Variants in TFDP1 observed in about 807,000 individuals in gnomAD.
TFDP1 encodes transcription factor Dp-1, also known as DRTF1-polypeptide 1.
A neutral mutation model predicts 48.0 loss-of-function variants in TFDP1; 6 were observed. That is an observed-to-expected ratio of 0.13 (90% CI 0.07 to 0.25). TFDP1 has a LOEUF of 0.25. Among genes scored for constraint, TFDP1 ranks in the 10% least tolerant of loss-of-function variants. The probability of loss-of-function intolerance (pLI) is 1.00; values close to 1 mark genes in which losing one functional copy is unlikely to be tolerated. For synonymous variants in TFDP1, 201 were observed against 211.6 expected (o/e 0.95, Z 0.44); for missense variants, 335 against 543.0 (o/e 0.62, Z 3.81).
In TFDP1 at chr13:113,633,261, C is replaced by T. The variant is rs2049383975; in HGVS notation, c.450C>T (p.Asp150=). 1 of 1,613,940 alleles carries T rather than the reference C, an allele frequency of 6.2e-7. No individual in the cohort carries two copies. Among genetic ancestry groups the T allele is most frequent in the Non-Finnish European group, 8.5e-7 (1 of 1,179,932 alleles). The change falls in exon 6 of 12, where the codon GAC becomes GAT. Residue 150 remains aspartate (D), a synonymous_variant. Transcript: ENST00000375370. This position sits in a 1 kb window ranked among gnomAD's most constrained non-coding sequence, Gnocchi z 4.5. ...TGGTTGCGGAGTTCAGTGCTGCCGA[C>T]AACCACATCTTACCAAACGAGTCAG... ...DELVAEFSAA[D]NHILPNESAY...
In TFDP1 at chr13:113,633,846, G is replaced by T; in HGVS notation, c.475-44G>T. 4 of 1,572,398 alleles carry T rather than the reference G, an allele frequency of 2.5e-6. No homozygotes were observed. The highest frequency in any genetic ancestry group is 3.5e-6 in the Non-Finnish European group (4 of 1,159,282). On this transcript the variant is annotated intron_variant, in intron 6 of 11. Coordinates refer to ENST00000375370, the MANE Select transcript of TFDP1 (RefSeq NM_007111.5). The surrounding 1 kb of genome is among the most constrained non-coding windows in gnomAD (Gnocchi z 4.5). The stretch of plus-strand genomic sequence containing the variant: ...TGGTCTACAGTTTAAGGATCCACCG[G>T]CCTTTTTGGATCATTTGGAAACTCC...
chr13:113,638,039 C>T (rs1030552241), intron 11 of TFDP1, 143 bp downstream of exon 11: 56 of 1,008,162 alleles, frequency 5.6e-5, no homozygotes, highest in Non-Finnish European at 7.4e-5. Context: ...AGTGGGGCCC[C>T]GCTGGCTTTC....
At chr13:113,632,747 C>T (rs1362066957) in intron 5 of TFDP1, among the ~76,000 whole-genome samples, 1 of 152,248 alleles carries the variant, frequency 6.6e-6, no homozygotes, top group Non-Finnish European at 1.5e-5. Context: ...CACCGCACTC[C>T]AGCCCACGAC....
chr13:113,598,299 T>G lies in TFDP1; in HGVS notation c.12+12450T>G, dbSNP rs533656599. Among the ~76,000 whole-genome samples, 4 of 152,332 alleles carry G rather than the reference T, an allele frequency of 2.6e-5. No homozygotes were observed. The highest frequency in any genetic ancestry group is 4.4e-5 in the Non-Finnish European group (3 of 68,028). Reference sequence around the variant, plus strand: ...CTGATGTATGGGTTTTCCAGGCAGTTTTGCATTTGTGCCTGTTGTAGACTA... The same window carrying G: ...CTGATGTATGGGTTTTCCAGGCAGTGTTGCATTTGTGCCTGTTGTAGACTA... On this transcript the variant is annotated intron_variant, in intron 2 of 11. Coordinates refer to ENST00000375370, the MANE Select transcript of TFDP1 (RefSeq NM_007111.5). This position sits in a 1 kb window ranked among gnomAD's most constrained non-coding sequence, Gnocchi z 4.2.
At chr13:113,601,169 C>T (rs866640251) in intron 2 of TFDP1, among the ~76,000 whole-genome samples, 2 of 152,156 alleles carry the variant, frequency 1.3e-5, no homozygotes, top group Admixed American at 6.5e-5. Flanking sequence ...AAGGGCTGGG[C>T]CTGGCGGTCA....
Position 113,627,015 on chromosome 13 carries a change from G to A in TFDP1, c.186+3729G>A, listed in dbSNP as rs1413202585. 1.3e-5 allele frequency among the ~76,000 whole-genome samples: 2 copies of A among 152,210 alleles called. No homozygotes were observed. The highest frequency in any genetic ancestry group is 6.5e-5 in the Admixed American group (1 of 15,288). ...GTTCCTGATTTAAATTCAGCTGTTC[G>A]GGTGGAGTTTGTCATTGCTGTTTTG... is the stretch of plus-strand genomic sequence containing the variant. On this transcript the variant is annotated intron_variant, in intron 4 of 11. Coordinates refer to ENST00000375370, the MANE Select transcript of TFDP1 (RefSeq NM_007111.5). This position sits in a 1 kb window ranked among gnomAD's most constrained non-coding sequence, Gnocchi z 4.1.
chr13:113,588,200 A>G lies in TFDP1; in HGVS notation c.12+2351A>G, dbSNP rs74116240. 1.2e-3 allele frequency among the ~76,000 whole-genome samples: 183 copies of G among 152,368 alleles called. 1 individual carries two copies. Among genetic ancestry groups the G allele is most frequent in the African/African-American group, 4.3e-3 (177 of 41,590 alleles). ...GGTACTGCAGTAAAACCACAGGTGT[A>G]TGTCAAAAGCCTTTATGCTGGGGGA... On this transcript the variant is annotated intron_variant, in intron 2 of 11. Transcript: ENST00000375370.
intron 2 of TFDP1, among the ~76,000 whole-genome samples, chr13:113,603,321 G>C (rs1359868676): frequency 6.6e-6 from 1 of 152,254 alleles, no homozygotes; most frequent in Non-Finnish European, 1.5e-5. Context: ...GAGCCCCCTG[G>C]ACACACCCTG....
At chr13:113,590,190 C>G (rs747943795) in intron 2 of TFDP1, among the ~76,000 whole-genome samples, 14 of 152,154 alleles carry the variant, frequency 9.2e-5, no homozygotes, top group Non-Finnish European at 1.5e-4. Context: ...ACGTCACTGC[C>G]CGGTATTCAC....
In TFDP1 at chr13:113,636,584, T is replaced by C. The variant is rs767816715; in HGVS notation, c.890T>C (p.Ile297Thr). 8.7e-6 allele frequency: 14 copies of C among 1,614,158 alleles called. No homozygotes were observed. In the East Asian group the frequency reaches 1.6e-4, roughly 18 times the overall value. Residue 297 changes from isoleucine (I) to threonine (T), a missense_variant, in exon 10 of 12, where the codon ATA becomes ACA. Physicochemically the swap from Ile to Thr is moderately conservative, Grantham distance 89. Transcript: ENST00000375370. ...FDNTFEIHDDIEVLKRMGMAC... is the reference protein window; with the variant it reads ...FDNTFEIHDDTEVLKRMGMAC... ...AACACATTTGAAATCCACGATGACA[T>C]AGAAGTGCTGAAGCGGATGGGCATG...
At chr13:113,612,181 C>G (rs1375883284) in intron 3 of TFDP1, among the ~76,000 whole-genome samples, 5 of 152,168 alleles carry the variant, frequency 3.3e-5, no homozygotes, top group Non-Finnish European at 7.3e-5. Context: ...CTGGTGCGGG[C>G]GCCCATGGTG....
At chr13:113,587,349 C>G (rs2048030591) in intron 2 of TFDP1, among the ~76,000 whole-genome samples, 1 of 152,014 alleles carries the variant, frequency 6.6e-6, no homozygotes, top group African/African-American at 2.4e-5. Context: ...TGGGGGTTGG[C>G]GCTGGGAGGA....
intron 4 of TFDP1, among the ~76,000 whole-genome samples, chr13:113,625,128 C>CTCTCACGTGTCCTCAGGTGTT (rs2049107150): frequency 5.3e-5 from 3 of 56,334 alleles, no homozygotes; most frequent in African/African-American, 2.9e-4. Context: ...CCTCAGGTGT[C>CTCTCACGTGTCCTCAGGTGTT]TCTCAGGTGT....
intron 2 of TFDP1, among the ~76,000 whole-genome samples, chr13:113,593,582 G>T (rs2048204757): frequency 1.4e-5 from 2 of 143,634 alleles, no homozygotes; most frequent in East Asian, 2.2e-4. Context: ...CAGGTGACAG[G>T]TGTGCTGTGT....
At chr13:113,586,755 C>G (rs1278706736) in intron 2 of TFDP1, among the ~76,000 whole-genome samples, 1 of 152,232 alleles carries the variant, frequency 6.6e-6, no homozygotes, top group Non-Finnish European at 1.5e-5. Context: ...CCCTCCCTGA[C>G]CTGCGACCAG....
At chr13:113,638,473 A>T (rs1018060602) in intron 11 of TFDP1, among the ~76,000 whole-genome samples, 1 of 150,960 alleles carries the variant, frequency 6.6e-6, no homozygotes, top group African/African-American at 2.4e-5. Flanking sequence ...ACGTGCTGCG[A>T]TCACAGTGCA....
chr13:113,635,890 C>T (rs970112482), intron 8 of TFDP1, 87 bp from the exon 9 acceptor site: 40 of 1,458,280 alleles, frequency 2.7e-5, no homozygotes, highest in East Asian at 1.6e-4. Context: ...GTCACGTGGA[C>T]GCAGGGAGGG....
rs1001609069 is a variant in TFDP1, at chr13:113,614,974, G to A, written c.79+3912G>A. Among the ~76,000 whole-genome samples the A allele has an allele frequency of 7.2e-5, 11 of 152,146 alleles. No individual in the cohort carries two copies. The South Asian group carries it at 1.2e-3, about 17-fold the overall frequency. Reference sequence around the variant, plus strand: ...TTGAGGAGCTCCGCGGCAAGTTCTCGGCTGGCCTTTGGCTGAATAATGGAT... The same window carrying A: ...TTGAGGAGCTCCGCGGCAAGTTCTCAGCTGGCCTTTGGCTGAATAATGGAT... On this transcript the variant is annotated intron_variant, in intron 3 of 11. Coordinates refer to ENST00000375370, the MANE Select transcript of TFDP1 (RefSeq NM_007111.5).
chr13:113,626,079 CGTGTCCTCAGGTGTTTCTCAG>C lies in TFDP1; in HGVS notation c.186+2799_186+2819del, dbSNP rs1416005801. 3.7e-4 allele frequency among the ~76,000 whole-genome samples: 53 copies of C among 142,152 alleles called. 2 individuals are homozygous for C. The highest frequency in any genetic ancestry group is 1.5e-3 in the African/African-American group (53 of 36,180). The allele number at this position is 142,152 out of a possible 152,430, so 93.3% of individuals were successfully genotyped here. A position where few individuals can be genotyped will look rare whatever the true frequency, so the allele number is the denominator to read the frequency against. On this transcript the variant is annotated intron_variant, in intron 4 of 11. Transcript: ENST00000375370. ...CTCACATGTCCTCAGGTGTCTCTCA[CGTGTCCTCAGGTGTTTCTCAG>C]GTGTCTCTCACGTGTCCTCAGGTGT... is the stretch of plus-strand genomic sequence containing the variant.
Sources: allele counts gnomAD v4.1 joint callset (sites outside exome capture counted in the v4.1 genomes callset), GRCh38; gene constraint gnomAD v4.1.1; non-coding constraint Gnocchi (gnomAD v3.1); transcripts MANE v1.5; gene names NCBI Gene and HGNC (gene_info 2026-07-23, HGNC 2026-07-21).